CRADD: variants seen among roughly 807,000 people sequenced by gnomAD.
The protein encoded by CRADD is death domain-containing protein CRADD.
A neutral mutation model predicts 15.5 loss-of-function variants in CRADD; 9 were observed. The observed-to-expected ratio is 0.58, with a 90% CI of 0.35 to 1.01. The LOEUF is 1.01. Among genes scored for constraint, CRADD ranks in the 50% least tolerant of loss-of-function variants. CRADD has a pLI of 0.02. For missense variants in CRADD, 227 were observed against 250.3 expected (o/e 0.91, Z 0.63); for synonymous variants, 118 against 107.6 (o/e 1.10, Z -0.60).
chr12:93,723,228 T>G (rs562280324), intron 2 of CRADD, among the ~76,000 whole-genome samples: 3 of 152,352 alleles, frequency 2.0e-5, no homozygotes, highest in South Asian at 4.1e-4. Context: ...TTTGTAAAAC[T>G]GAAACGTTAG....
chr12:93,730,488 A>G (rs1187133907), intron 2 of CRADD, among the ~76,000 whole-genome samples: 1 of 152,210 alleles, frequency 6.6e-6, no homozygotes, highest in African/African-American at 2.4e-5. Context: ...CACTTTGGCA[A>G]TATGTATTGA....
intron 2 of CRADD, chr12:93,738,304 A>C (rs1347485695): frequency 5.7e-6 from 4 of 695,924 alleles, no homozygotes; most frequent in Non-Finnish European, 1.0e-5. Context: ...AAGGAGGCCC[A>C]TGAGACCTCA....
chr12:93,796,594 C>T (rs1472337293), intron 2 of CRADD, among the ~76,000 whole-genome samples: 3 of 112,360 alleles, frequency 2.7e-5, no homozygotes, highest in African/African-American at 6.8e-5. Context: ...ACGAGCAAAA[C>T]GGTGTCAAAA....
chr12:93,765,204 C>T (rs990312950), intron 2 of CRADD, among the ~76,000 whole-genome samples: 7 of 152,048 alleles, frequency 4.6e-5, no homozygotes, highest in Non-Finnish European at 8.8e-5. Context: ...TATTTTATCA[C>T]GAGTTGCCTG....
At chr12:93,821,697 G>A (rs772247284) in intron 2 of CRADD, among the ~76,000 whole-genome samples, 17 of 152,190 alleles carry the variant, frequency 1.1e-4, no homozygotes, top group Non-Finnish European at 2.2e-4. Context: ...AAACAGAGAG[G>A]ATTGACAATG....
In CRADD at chr12:93,849,980, G is replaced by A; in HGVS notation, c.309G>A (p.Leu103=). ...AMTDLPAGDR[L]TGIPSHILNS... is the part of the protein sequence containing the mutation. ...CTTTTTCCTCCTCAGGTGACAGATT[G>A]ACTGGGATCCCCTCGCACATCCTCA... The change falls in exon 3 of 3, where the codon TTG becomes TTA. Residue 103 remains leucine (L), a synonymous_variant. Coordinates refer to ENST00000332896, the MANE Select transcript of CRADD (RefSeq NM_003805.5). The A allele has an allele frequency of 6.2e-7, 1 of 1,600,614 alleles. No individual in the cohort carries two copies. Among genetic ancestry groups the A allele is most frequent in the East Asian group, 2.2e-5 (1 of 44,806 alleles).
chr12:93,800,168 A>G (rs1362928462), intron 2 of CRADD, among the ~76,000 whole-genome samples: 1 of 152,142 alleles, frequency 6.6e-6, no homozygotes, highest in Non-Finnish European at 1.5e-5. Context: ...CAGAATCAGG[A>G]AAGCTGGTGG....
intron 2 of CRADD, among the ~76,000 whole-genome samples, chr12:93,759,118 A>T (rs1358185525): frequency 6.6e-6 from 1 of 152,234 alleles, no homozygotes; most frequent in African/African-American, 2.4e-5. Context: ...AGCAAAATAG[A>T]GAAGTGTATT....
intron 2 of CRADD, among the ~76,000 whole-genome samples, chr12:93,728,606 A>T (rs1956410031): frequency 6.6e-6 from 1 of 152,194 alleles, no homozygotes; most frequent in Admixed American, 6.5e-5. Flanking sequence ...ATTTTATCTC[A>T]TCAAGTATTA....
At chr12:93,690,732 A>G (rs967961267) in intron 2 of CRADD, among the ~76,000 whole-genome samples, 11 of 152,234 alleles carry the variant, frequency 7.2e-5, no homozygotes, top group African/African-American at 2.4e-4. Flanking sequence ...AGGTTCAAAC[A>G]CTGACAGTCT....
intron 2 of CRADD, among the ~76,000 whole-genome samples, chr12:93,745,577 C>T (rs564973193): frequency 1.3e-5 from 2 of 152,308 alleles, no homozygotes; most frequent in East Asian, 3.9e-4. Flanking sequence ...GGTATGTTGA[C>T]ACTTGAAACC....
At chr12:93,687,588 C>T (rs771278463) in intron 2 of CRADD, among the ~76,000 whole-genome samples, 23 of 152,158 alleles carry the variant, frequency 1.5e-4, no homozygotes, top group Non-Finnish European at 3.2e-4. Context: ...GGTTGAGAAC[C>T]TTGAGCTCTG....
intron 2 of CRADD, among the ~76,000 whole-genome samples, chr12:93,687,109 G>A (rs1249583361): frequency 6.6e-6 from 1 of 152,190 alleles, no homozygotes; most frequent in African/African-American, 2.4e-5. Context: ...TAAAGGAAAA[G>A]CGGAAGACTT....
chr12:93,775,423 T>G (rs1957130861), intron 2 of CRADD, among the ~76,000 whole-genome samples: 1 of 152,200 alleles, frequency 6.6e-6, no homozygotes, highest in Non-Finnish European at 1.5e-5. Context: ...GGAGGCCTGG[T>G]TTTCAGAAAG....
At chr12:93,707,139 G>T (rs1955968277) in intron 2 of CRADD, among the ~76,000 whole-genome samples, 1 of 152,194 alleles carries the variant, frequency 6.6e-6, no homozygotes, top group South Asian at 2.1e-4. Flanking sequence ...AGCAGTCATT[G>T]AACCTTGGTT....
At chr12:93,713,699 A>G (rs1956114022) in intron 2 of CRADD, among the ~76,000 whole-genome samples, 1 of 152,196 alleles carries the variant, frequency 6.6e-6, no homozygotes, top group Non-Finnish European at 1.5e-5. Context: ...CTGCATATAC[A>G]GAACCTGGGG....
In CRADD at chr12:93,894,493, C is replaced by G. The variant is rs147971792; in HGVS notation, c.*376C>G. 1.0e-3 allele frequency: 226 copies of G among 215,536 alleles called. 1 individual carries two copies. Among genetic ancestry groups the G allele is most frequent in the African/African-American group, 4.6e-3 (206 of 45,060 alleles). 13.4% of individuals were successfully genotyped at this position (215,536 alleles called of 1,614,324 possible). The stretch of plus-strand genomic sequence containing the variant: ...CTCTGCCCAGCAACAGGCTTGGCCT[C>G]TCTCCTGTGGCTGCCACAAGAGTTA... On this transcript the variant is annotated 3_prime_UTR_variant, in exon 3 of 3. Transcript: ENST00000548483.
At chr12:93,744,018 C>T (rs938773051) in intron 2 of CRADD, among the ~76,000 whole-genome samples, 1 of 151,992 alleles carries the variant, frequency 6.6e-6, no homozygotes, top group Non-Finnish European at 1.5e-5. Flanking sequence ...ATTTTTGGTT[C>T]TTTTTTGCTT....
At chr12:93,874,214 T>C (rs1958442362) in intron 2 of CRADD, among the ~76,000 whole-genome samples, 1 of 152,126 alleles carries the variant, frequency 6.6e-6, no homozygotes, top group Non-Finnish European at 1.5e-5. Flanking sequence ...TCTTATAGAT[T>C]TTCCAATTTA....
Sources: gnomAD v4.1 joint callset for allele counts (sites outside exome capture counted in the v4.1 genomes callset) on GRCh38, gnomAD v4.1.1 for gene constraint, MANE v1.5 for transcripts, NCBI Gene and HGNC (gene_info 2026-07-23, HGNC 2026-07-21) for gene names.